The following SH3PXD2A variants were observed in gnomAD, a reference collection of about 807,000 sequenced individuals.
The protein encoded by SH3PXD2A is SH3 and PX domains 2A.
In SH3PXD2A, 32 loss-of-function variants were observed where a neutral mutation model predicts 115.2. The observed-to-expected ratio is 0.28, with a 90% CI of 0.21 to 0.37. The LOEUF (loss-of-function observed/expected upper bound fraction) is 0.37. Among genes scored for constraint, SH3PXD2A ranks in the 10% least tolerant of loss-of-function variants. The pLI is 1.00. For missense variants in SH3PXD2A, 1,328 were observed against 1,498.7 expected (o/e 0.89, Z 1.88); for synonymous variants, 610 against 629.1 (o/e 0.97, Z 0.45).
intron 5 of SH3PXD2A, among the ~76,000 whole-genome samples, chr10:103,714,644 G>A (rs1589425716): frequency 6.6e-6 from 1 of 152,342 alleles, no homozygotes; most frequent in Admixed American, 6.5e-5. Flanking sequence ...GGGCATGGCA[G>A]GGGATGGACA....
rs543228512 is a variant in SH3PXD2A at position 103,599,634 on chromosome 10, C to T, written c.*2182G>A. ...GCATCTTTAAGTAATGCACTTTGCT[C>T]TCTGGGTTTTTTCCATTCTACCTTA... is the stretch of plus-strand genomic sequence containing the variant. On this transcript the variant is annotated 3_prime_UTR_variant, in exon 15 of 15. Coordinates refer to ENST00000369774, the MANE Select transcript of SH3PXD2A (RefSeq NM_001394015.1). 1 of 152,512 alleles carries T rather than the reference C, an allele frequency of 6.6e-6. No homozygotes were observed. The highest frequency in any genetic ancestry group is 1.5e-5 in the Non-Finnish European group (1 of 68,018). 9.4% of individuals were successfully genotyped at this position (152,512 alleles called of 1,614,324 possible). A position where few individuals can be genotyped will look rare whatever the true frequency, so the allele number is the denominator to read the frequency against.
At chr10:103,779,514 G>A (rs954256075) in intron 2 of SH3PXD2A, among the ~76,000 whole-genome samples, 4 of 152,180 alleles carry the variant, frequency 2.6e-5, no homozygotes, top group Non-Finnish European at 5.9e-5. Flanking sequence ...GGGCAGGGCT[G>A]CAGGGGTCAT....
At chr10:103,664,123 C>A (rs958350330) in intron 7 of SH3PXD2A, among the ~76,000 whole-genome samples, 1 of 152,192 alleles carries the variant, frequency 6.6e-6, no homozygotes. Flanking sequence ...ATGCCTGGAG[C>A]CTCTGTGGCC....
rs76554200 is a variant in SH3PXD2A, at chr10:103,598,738, C to T, written c.*3078G>A. 12 of 152,816 alleles carry T rather than the reference C, an allele frequency of 7.9e-5. No individual in the cohort carries two copies. The highest frequency in any genetic ancestry group is 2.9e-4 in the African/African-American group (12 of 41,588). The allele number at this position is 152,816 out of a possible 1,614,324, so 9.5% of individuals were successfully genotyped here. A position where few individuals can be genotyped will look rare whatever the true frequency, so the allele number is the denominator to read the frequency against. On this transcript the variant is annotated 3_prime_UTR_variant, in exon 15 of 15. Coordinates refer to ENST00000369774, the MANE Select transcript of SH3PXD2A (RefSeq NM_001394015.1). ...TCAGCATCACAAAGCAGCTCAGTAG[C>T]TCAAGGGAAAGGCCCTCTCGCCCTG...
chr10:103,616,583 TG>T (rs1446411306), intron 11 of SH3PXD2A, among the ~76,000 whole-genome samples: 2 of 152,202 alleles, frequency 1.3e-5, no homozygotes, highest in Non-Finnish European at 2.9e-5. Flanking sequence ...TGATTAGGCC[TG>T]GGAGAGGGAG....
intron 8 of SH3PXD2A, among the ~76,000 whole-genome samples, chr10:103,652,128 C>T (rs1185996347): frequency 7.9e-5 from 12 of 152,238 alleles, no homozygotes; most frequent in East Asian, 1.9e-4. Context: ...GAACTTTAGC[C>T]GGAGCCTGAG....
intron 11 of SH3PXD2A, among the ~76,000 whole-genome samples, chr10:103,614,319 C>T (rs758725636): frequency 1.1e-4 from 16 of 152,112 alleles, no homozygotes; most frequent in Non-Finnish European, 2.2e-4. Context: ...GTAAGACAGA[C>T]ACTGGCTTTA....
At position 103,797,600 on chromosome 10, in the gene SH3PXD2A, A is replaced by G. The variant is rs556015502; in HGVS notation, c.153+3682T>C. ...TTCTCAGGGCTGGTGTGTGCCTGAG[A>G]CTGTTCATTTCCAAGGATCTACATG... On this transcript the variant is annotated intron_variant, in intron 2 of 14. Transcript: ENST00000369774. Among the ~76,000 whole-genome samples, 6 of 151,794 alleles carry G rather than the reference A, an allele frequency of 4.0e-5. No homozygotes were observed. In the East Asian group the frequency reaches 7.8e-4, roughly 20 times the overall value.
At chr10:103,707,415 T>C (rs2037994743) in intron 5 of SH3PXD2A, among the ~76,000 whole-genome samples, 1 of 152,164 alleles carries the variant, frequency 6.6e-6, no homozygotes, top group Non-Finnish European at 1.5e-5. Context: ...CAGGCTGGTC[T>C]CGAACTCCTG....
At chr10:103,619,087 C>T (rs909473398) in intron 10 of SH3PXD2A, among the ~76,000 whole-genome samples, 2 of 152,220 alleles carry the variant, frequency 1.3e-5, no homozygotes, top group East Asian at 1.9e-4. Context: ...TTTTTCAGTA[C>T]GCCCTTCTCT....
At position 103,602,161 on chromosome 10, in the gene SH3PXD2A, G is replaced by C. The variant is rs769077940; in HGVS notation, c.3057C>G (p.Ser1019Arg). The change falls in exon 15 of 15, where the codon AGC becomes AGG. Residue 1019 changes from serine to arginine, a missense_variant. Ser to Arg is a moderately radical substitution (Grantham distance 110, BLOSUM62 -1). Coordinates refer to ENST00000369774, the MANE Select transcript of SH3PXD2A (RefSeq NM_001394015.1). ...LRGVRRNSSF[S>R]TARSAAAEAK... Reference sequence around the variant, plus strand: ...CCTCGGCGGCAGCGGAGCGAGCAGTGCTAAAGGAGGAGTTCCGTCGGACGC... The same window carrying C: ...CCTCGGCGGCAGCGGAGCGAGCAGTCCTAAAGGAGGAGTTCCGTCGGACGC... 2 of 1,576,246 alleles carry C rather than the reference G, an allele frequency of 1.3e-6. No homozygotes were observed. Among genetic ancestry groups the C allele is most frequent in the Non-Finnish European group, 1.7e-6 (2 of 1,159,974 alleles).
chr10:103,791,144 AC>A (rs1564889792), intron 2 of SH3PXD2A, among the ~76,000 whole-genome samples: 1 of 152,212 alleles, frequency 6.6e-6, no homozygotes, highest in East Asian at 1.9e-4. Context: ...CCAGCTTCTT[AC>A]AATTTTCCCC....
intron 1 of SH3PXD2A, among the ~76,000 whole-genome samples, chr10:103,824,620 C>T (rs56823431): frequency 6.0e-4 from 92 of 152,300 alleles, no homozygotes; most frequent in African/African-American, 1.9e-3. Flanking sequence ...GGCATCCCCT[C>T]GGCTTGAGGA....
At chr10:103,685,413 C>T (rs2037665017) in intron 6 of SH3PXD2A, among the ~76,000 whole-genome samples, 1 of 151,500 alleles carries the variant, frequency 6.6e-6, no homozygotes, top group African/African-American at 2.4e-5. Flanking sequence ...CTTCCCTTTC[C>T]TGGTCTATAA....
chr10:103,784,740 GGGA>G lies in SH3PXD2A; in HGVS notation c.153+16539_153+16541del, dbSNP rs1346792163. Among the ~76,000 whole-genome samples, 1 of 151,704 alleles carries G rather than the reference GGGA, an allele frequency of 6.6e-6. No individual in the cohort carries two copies. Among genetic ancestry groups the G allele is most frequent in the Admixed American group, 6.6e-5 (1 of 15,230 alleles). On this transcript the variant is annotated intron_variant, in intron 2 of 14. Transcript: ENST00000369774. This position sits in a 1 kb window ranked among gnomAD's most constrained non-coding sequence, Gnocchi z 4.4. ...GAGGAGGAAGAAGAGGAAAAGAAAG[GGGA>G]GGAGGAGGAGAAGTAAGAAGGAGGA...
At chr10:103,677,500 T>C (rs2037552903) in intron 6 of SH3PXD2A, among the ~76,000 whole-genome samples, 2 of 151,498 alleles carry the variant, frequency 1.3e-5, no homozygotes, top group Admixed American at 1.3e-4. Flanking sequence ...AAGACAGGGG[T>C]GGGGATGGGG....
intron 7 of SH3PXD2A, among the ~76,000 whole-genome samples, chr10:103,663,137 T>A (rs145887464): frequency 1.5e-3 from 222 of 152,322 alleles, no homozygotes; most frequent in African/African-American, 4.3e-3. Context: ...CCTTGAAGGC[T>A]AGGGGGCTTC....
At chr10:103,854,132 G>C (rs1267066926) in intron 1 of SH3PXD2A, among the ~76,000 whole-genome samples, 1 of 152,190 alleles carries the variant, frequency 6.6e-6, no homozygotes, top group African/African-American at 2.4e-5. Flanking sequence ...GGCTGACATT[G>C]CCACAAACCC....
chr10:103,626,425 C>T (rs901118064), intron 9 of SH3PXD2A, among the ~76,000 whole-genome samples: 1 of 152,114 alleles, frequency 6.6e-6, no homozygotes, highest in Non-Finnish European at 1.5e-5. Flanking sequence ...CCATTAGGAG[C>T]AGGCAGCCAA....
Sources: gnomAD v4.1 joint callset for allele counts (sites outside exome capture counted in the v4.1 genomes callset) on GRCh38, gnomAD v4.1.1 for gene constraint, Gnocchi (gnomAD v3.1) non-coding constraint, MANE v1.5 for transcripts, NCBI Gene and HGNC (gene_info 2026-07-23, HGNC 2026-07-21) for gene names.